The following MACROD1 variants were observed in gnomAD, a reference collection of about 807,000 sequenced individuals.
MACROD1 encodes ADP-ribose glycohydrolase MACROD1.
Under a neutral mutation model 41.4 loss-of-function variants are expected in MACROD1, and 31 were observed. The observed-to-expected ratio is 0.75, with a 90% CI of 0.56 to 1.01. The LOEUF (loss-of-function observed/expected upper bound fraction) is 1.01, where lower values mean the gene tolerates loss of function less well. MACROD1 is among the 50% of genes least tolerant of loss of function. The pLI is 0.00. For synonymous variants in MACROD1, 252 were observed against 203.4 expected (o/e 1.24, Z -2.03); for missense variants, 473 against 460.0 (o/e 1.03, Z -0.26).
chr11:64,131,884 G>C (rs2134659690), intron 3 of MACROD1, among the ~76,000 whole-genome samples: 1 of 152,240 alleles, frequency 6.6e-6, no homozygotes, highest in Admixed American at 6.5e-5. Context: ...GCCCTTGAAA[G>C]AAAAGAAGCT....
At chr11:64,065,634 C>CA (rs779478622) in intron 3 of MACROD1, among the ~76,000 whole-genome samples, 6 of 151,026 alleles carry the variant, frequency 4.0e-5, no homozygotes, top group Non-Finnish European at 7.4e-5. Context: ...CTAAAAAATA[C>CA]AAAAAATTAG....
chr11:64,017,113 G>T (rs998400725), intron 3 of MACROD1, among the ~76,000 whole-genome samples: 2 of 152,140 alleles, frequency 1.3e-5, no homozygotes, highest in Non-Finnish European at 2.9e-5. Context: ...GGGACTACAG[G>T]CATGCGCCAC....
At chr11:64,093,724 G>A (rs920530710) in intron 3 of MACROD1, among the ~76,000 whole-genome samples, 4 of 152,186 alleles carry the variant, frequency 2.6e-5, no homozygotes, top group African/African-American at 9.7e-5. Flanking sequence ...CACCCACTGG[G>A]CCTCCCGCTC....
chr11:64,000,049 G>C, intron 5 of MACROD1, 178 bp downstream of exon 5: 2 of 636,122 alleles, frequency 3.1e-6, no homozygotes. Flanking sequence ...TCCACGCACG[G>C]TCTCCCCCAT....
chr11:64,163,703 G>A (rs1322900185), intron 1 of MACROD1, among the ~76,000 whole-genome samples: 1 of 152,232 alleles, frequency 6.6e-6, no homozygotes, highest in Non-Finnish European at 1.5e-5. Flanking sequence ...GGGAGACCCT[G>A]AGCTAGAACC....
intron 4 of MACROD1, among the ~76,000 whole-genome samples, chr11:64,005,055 G>A (rs1388011373): frequency 1.6e-5 from 1 of 62,530 alleles, no homozygotes; most frequent in African/African-American, 6.9e-5. Context: ...TATTGAGACA[G>A]TTTTTTGCTC....
intron 3 of MACROD1, among the ~76,000 whole-genome samples, chr11:64,052,740 G>A (rs1191106578): frequency 6.6e-6 from 1 of 152,224 alleles, no homozygotes; most frequent in Non-Finnish European, 1.5e-5. Context: ...CCAGCTTCTA[G>A]GGGTGGAGTT....
intron 3 of MACROD1, among the ~76,000 whole-genome samples, chr11:64,034,114 C>G (rs1247925490): frequency 2.0e-5 from 3 of 152,238 alleles, no homozygotes; most frequent in Non-Finnish European, 2.9e-5. Context: ...GGGGTCTCTC[C>G]TTCAAGACAT....
intron 3 of MACROD1, among the ~76,000 whole-genome samples, chr11:64,087,426 G>T (rs997777719): frequency 2.0e-5 from 3 of 152,152 alleles, no homozygotes; most frequent in Non-Finnish European, 1.5e-5. Context: ...TCCGGGGTGC[G>T]TCTGCCTCCC....
intron 2 of MACROD1, 96 bp from the exon 3 acceptor site, chr11:64,151,451 C>T (rs1287231977): frequency 4.8e-6 from 4 of 832,402 alleles, no homozygotes; most frequent in Non-Finnish European, 6.0e-6. Context: ...CTATCGACCT[C>T]CCTCCACCTC....
rs141502606 is a variant in MACROD1, at chr11:64,067,799, C to T, written c.518-52518G>A. 9.6e-3 allele frequency among the ~76,000 whole-genome samples: 1,467 copies of T among 152,214 alleles called. 15 individuals carry two copies. The highest frequency in any genetic ancestry group is 0.028 in the South Asian group (134 of 4,818). On this transcript the variant is annotated intron_variant, in intron 3 of 10. Coordinates refer to ENST00000255681, the MANE Select transcript of MACROD1 (RefSeq NM_014067.4). The surrounding 1 kb of genome is among the most constrained non-coding windows in gnomAD (Gnocchi z 4.6). ...CTGTTTGTTTTCCCTGACTGAGGGG[C>T]GGCTGTGCCACCCCCACACTCCTGA...
intron 3 of MACROD1, among the ~76,000 whole-genome samples, chr11:64,129,119 G>C (rs11602181): frequency 0.16 from 25,074 of 152,282 alleles, 2,318 homozygotes; most frequent in Admixed American, 0.28. Flanking sequence ...TTCTCAAACT[G>C]TGTTCCTCAG....
At position 64,134,788 on chromosome 11, in the gene MACROD1, G is replaced by A. The variant is rs181511494; in HGVS notation, c.517+16451C>T. Reference sequence around the variant, plus strand: ...CTTTTCACTTGTTTACTGGCCATTTGTTTTTCTCCTACCGGGAATTGCCTG... The same window carrying A: ...CTTTTCACTTGTTTACTGGCCATTTATTTTTCTCCTACCGGGAATTGCCTG... On this transcript the variant is annotated intron_variant, in intron 3 of 10. Coordinates refer to ENST00000255681, the MANE Select transcript of MACROD1 (RefSeq NM_014067.4). 1.3e-4 allele frequency among the ~76,000 whole-genome samples: 20 copies of A among 152,184 alleles called. 1 individual carries two copies. Among genetic ancestry groups the A allele is most frequent in the Admixed American group, 9.2e-4 (14 of 15,282 alleles).
At chr11:64,009,338 G>A (rs1942966077) in intron 4 of MACROD1, among the ~76,000 whole-genome samples, 1 of 152,210 alleles carries the variant, frequency 6.6e-6, no homozygotes, top group African/African-American at 2.4e-5. Context: ...CTGTCGGGAA[G>A]GCTGGCAGCT....
chr11:64,047,144 C>T (rs1326345734), intron 3 of MACROD1, among the ~76,000 whole-genome samples: 3 of 152,120 alleles, frequency 2.0e-5, no homozygotes, highest in East Asian at 1.9e-4. Flanking sequence ...TCATGAAAGG[C>T]GGTGCAGGTG....
intron 3 of MACROD1, among the ~76,000 whole-genome samples, chr11:64,144,172 G>A (rs773981583): frequency 2.0e-5 from 3 of 151,304 alleles, no homozygotes; most frequent in Non-Finnish European, 4.4e-5. Context: ...CTCCCTGTCT[G>A]TGCTCTCTCC....
chr11:64,089,150 G>A (rs1199800753), intron 3 of MACROD1, among the ~76,000 whole-genome samples: 2 of 152,210 alleles, frequency 1.3e-5, no homozygotes, highest in Non-Finnish European at 2.9e-5. Flanking sequence ...GTGACCAGCA[G>A]CCTTCCAGGC....
Position 63,998,939 on chromosome 11 carries a change from G to T in MACROD1, c.973+16C>A. Reference sequence around the variant, plus strand: ...CCGGGGCAGGGGCGGGCCGTGGGGCGGCGCGGGGCACGTACCCACGGGGAA... The same window carrying T: ...CCGGGGCAGGGGCGGGCCGTGGGGCTGCGCGGGGCACGTACCCACGGGGAA... On this transcript the variant is annotated intron_variant, in intron 9 of 10. Coordinates refer to ENST00000255681, the MANE Select transcript of MACROD1 (RefSeq NM_014067.4). The T allele has an allele frequency of 6.4e-7, 1 of 1,569,306 alleles. No individual in the cohort carries two copies. Among genetic ancestry groups the T allele is most frequent in the Non-Finnish European group, 8.6e-7 (1 of 1,161,046 alleles).
intron 3 of MACROD1, among the ~76,000 whole-genome samples, chr11:64,092,549 A>G (rs963454123): frequency 6.6e-6 from 1 of 152,226 alleles, no homozygotes; most frequent in African/African-American, 2.4e-5. Flanking sequence ...GCGTGTGGTC[A>G]TGACACGTGC....
Sources: allele counts gnomAD v4.1 joint callset (sites outside exome capture counted in the v4.1 genomes callset), GRCh38; gene constraint gnomAD v4.1.1; non-coding constraint Gnocchi (gnomAD v3.1); transcripts MANE v1.5; gene names NCBI Gene and HGNC (gene_info 2026-07-23, HGNC 2026-07-21).